DSCAM: variants seen among roughly 807,000 people sequenced by gnomAD.
The protein encoded by DSCAM is cell adhesion molecule DSCAM.
Under a neutral mutation model 217.7 loss-of-function variants are expected in DSCAM, and 47 were observed. That is an observed-to-expected ratio of 0.22 (90% CI 0.17 to 0.28). The LOEUF (loss-of-function observed/expected upper bound fraction) is 0.28. DSCAM is among the 10% of genes least tolerant of loss of function. The pLI, the probability that DSCAM is intolerant of heterozygous loss-of-function variation, is 1.00. For synonymous variants in DSCAM, 1,056 were observed against 1,015.3 expected, an observed-to-expected ratio of 1.04 and a Z score of -0.76; for missense variants, 2,080 against 2,618.3, an observed-to-expected ratio of 0.79 and a Z score of 4.49.
chr21:40,257,614 A>C (rs1469193898), intron 11 of DSCAM, among the ~76,000 whole-genome samples: 1 of 152,148 alleles, frequency 6.6e-6, no homozygotes, highest in Non-Finnish European at 1.5e-5. Flanking sequence ...AATGAGCAGA[A>C]TGGATTCATT....
At chr21:40,217,125 ATTATT>A (rs1651862428) in intron 11 of DSCAM, among the ~76,000 whole-genome samples, 1 of 152,150 alleles carries the variant, frequency 6.6e-6, no homozygotes, top group Non-Finnish European at 1.5e-5. Flanking sequence ...TCATTTCAAG[ATTATT>A]TTATATTTGA....
At chr21:40,410,298 C>T (rs549806500) in intron 3 of DSCAM, among the ~76,000 whole-genome samples, 3 of 151,846 alleles carry the variant, frequency 2.0e-5, no homozygotes, top group Non-Finnish European at 4.4e-5. Flanking sequence ...ATAGAAACTA[C>T]ACAAAATGAA....
At chr21:40,503,243 A>G (rs2076183755) in intron 3 of DSCAM, among the ~76,000 whole-genome samples, 1 of 152,188 alleles carries the variant, frequency 6.6e-6, no homozygotes, top group Non-Finnish European at 1.5e-5. Context: ...CCGACCTTGG[A>G]GCTGAGGCTC....
chr21:40,620,304 AAG>A lies in DSCAM; in HGVS notation c.508+72504_508+72505del, dbSNP rs771649302. 1.8e-3 allele frequency among the ~76,000 whole-genome samples: 203 copies of A among 113,740 alleles called. 2 individuals carry two copies. The highest frequency in any genetic ancestry group is 2.4e-3 in the Non-Finnish European group (121 of 50,776). The allele number at this position is 113,740 out of a possible 152,430, so 74.6% of individuals were successfully genotyped here. On this transcript the variant is annotated intron_variant, in intron 3 of 32. Transcript: ENST00000400454. ...GAAAGAGAGAGAAAAAAGAAAAAGA[AAG>A]AGAGAGAGAAAGAGAGAGAAAAAAG...
At chr21:40,769,437 TGGA>T (rs1026363396) in intron 1 of DSCAM, among the ~76,000 whole-genome samples, 2 of 151,926 alleles carry the variant, frequency 1.3e-5, no homozygotes, top group African/African-American at 4.8e-5. Flanking sequence ...CACAGGTGGG[TGGA>T]GAAGTAGATG....
chr21:40,815,490 A>G (rs2837835), intron 1 of DSCAM, among the ~76,000 whole-genome samples: 23,234 of 151,974 alleles, frequency 0.15, 1,885 homozygotes, highest in South Asian at 0.23. Flanking sequence ...TAAAAGACAA[A>G]ATTTTCCACC....
intron 1 of DSCAM, among the ~76,000 whole-genome samples, chr21:40,818,081 C>T (rs1322641939): frequency 2.8e-5 from 3 of 105,352 alleles, no homozygotes; most frequent in Admixed American, 1.5e-4. Flanking sequence ...CCGGCCTGGG[C>T]GACAGAGCGA....
chr21:40,574,198 A>G (rs2076830997), intron 3 of DSCAM, among the ~76,000 whole-genome samples: 1 of 152,202 alleles, frequency 6.6e-6, no homozygotes, highest in African/African-American at 2.4e-5. Context: ...AAAGAAAAAT[A>G]TCCCTTATGG....
At chr21:40,673,268 G>A (rs2090297787) in intron 3 of DSCAM, among the ~76,000 whole-genome samples, 1 of 136,896 alleles carries the variant, frequency 7.3e-6, no homozygotes, top group African/African-American at 2.6e-5. Flanking sequence ...TTGTTTTACG[G>A]TAGTAAAGAT....
At chr21:40,268,025 G>A (rs2073564238) in intron 11 of DSCAM, among the ~76,000 whole-genome samples, 1 of 152,096 alleles carries the variant, frequency 6.6e-6, no homozygotes, top group African/African-American at 2.4e-5. Flanking sequence ...CAGCAAACAG[G>A]GTCCCTGCTG....
At chr21:40,525,009 CAAAAAAA>C (rs58427418) in intron 3 of DSCAM, among the ~76,000 whole-genome samples, 2 of 56,122 alleles carry the variant, frequency 3.6e-5, no homozygotes, top group Non-Finnish European at 7.7e-5. Context: ...GACTCAGTCT[CAAAAAAA>C]AAAAAAAAAA....
At chr21:40,460,919 T>C (rs1157564425) in intron 3 of DSCAM, among the ~76,000 whole-genome samples, 1 of 152,188 alleles carries the variant, frequency 6.6e-6, no homozygotes, top group Non-Finnish European at 1.5e-5. Context: ...TTAAAGTGTA[T>C]ATAACCTTTG....
chr21:40,425,124 G>T (rs1310648968), intron 3 of DSCAM, among the ~76,000 whole-genome samples: 2 of 152,074 alleles, frequency 1.3e-5, no homozygotes, highest in Non-Finnish European at 2.9e-5. Flanking sequence ...CACAACAGAA[G>T]TTTAATCTCT....
intron 3 of DSCAM, among the ~76,000 whole-genome samples, chr21:40,387,232 G>A (rs192363281): frequency 6.6e-6 from 1 of 152,132 alleles, no homozygotes; most frequent in African/African-American, 2.4e-5. Context: ...TAATTTCCCT[G>A]TGACATTTGC....
intron 3 of DSCAM, among the ~76,000 whole-genome samples, chr21:40,438,226 G>T (rs567871428): frequency 6.6e-6 from 1 of 152,122 alleles, no homozygotes; most frequent in Admixed American, 6.5e-5. Context: ...CTAAGATCTG[G>T]TATCCTAATT....
intron 1 of DSCAM, among the ~76,000 whole-genome samples, chr21:40,837,557 C>T: frequency 6.6e-6 from 1 of 152,188 alleles, no homozygotes; most frequent in East Asian, 1.9e-4. Flanking sequence ...TGGTAATTAA[C>T]CATCCTACCC....
At chr21:40,093,114 G>C (rs1463797077) in intron 21 of DSCAM, among the ~76,000 whole-genome samples, 1 of 152,158 alleles carries the variant, frequency 6.6e-6, no homozygotes, top group East Asian at 1.9e-4. Context: ...AATTTAGGGG[G>C]TTCCTGGAAA....
chr21:40,646,410 C>CT (rs1555875896), intron 3 of DSCAM, among the ~76,000 whole-genome samples: 15 of 129,134 alleles, frequency 1.2e-4, no homozygotes, highest in African/African-American at 4.2e-4. Context: ...GAGACTCTGT[C>CT]AAAAAAAAAA....
At chr21:40,664,546 G>A (rs549387882) in intron 3 of DSCAM, among the ~76,000 whole-genome samples, 14 of 152,280 alleles carry the variant, frequency 9.2e-5, no homozygotes, top group Admixed American at 6.5e-4. Flanking sequence ...CAGCTGTGCC[G>A]AGAATTGCAT....
Sources: gnomAD v4.1 joint callset for allele counts (sites outside exome capture counted in the v4.1 genomes callset) on GRCh38, gnomAD v4.1.1 for gene constraint, MANE v1.5 for transcripts, NCBI Gene and HGNC (gene_info 2026-07-23, HGNC 2026-07-21) for gene names.